The following XPR1 variants were observed in gnomAD, a reference collection of about 807,000 sequenced individuals.
The protein encoded by XPR1 is xenotropic and polytropic retrovirus receptor 1, also known as solute carrier family 53 member 1.
XPR1 carries 28 observed loss-of-function variants against 87.5 expected under a neutral mutation model. That is an observed-to-expected ratio of 0.32 (90% CI 0.24 to 0.44). The LOEUF is 0.44. XPR1 is among the 20% of genes least tolerant of loss of function. XPR1 has a pLI of 1.00. For synonymous variants in XPR1, 300 were observed against 306.1 expected, an observed-to-expected ratio of 0.98 and a Z score of 0.21; for missense variants, 559 against 862.3, an observed-to-expected ratio of 0.65 and a Z score of 4.41.
At chr1:180,707,129 C>G (rs547169545) in intron 2 of XPR1, among the ~76,000 whole-genome samples, 36 of 152,054 alleles carry the variant, frequency 2.4e-4, no homozygotes, top group Non-Finnish European at 4.4e-4. Context: ...GAATTTTTAT[C>G]TTGACAGTAG....
intron 2 of XPR1, among the ~76,000 whole-genome samples, chr1:180,762,684 A>G (rs10914091): frequency 0.043 from 6,540 of 152,234 alleles, 498 homozygotes; most frequent in African/African-American, 0.15. Flanking sequence ...GCTGATGAAA[A>G]TCAGATACCA....
chr1:180,688,043 T>G (rs1656846967), intron 2 of XPR1, among the ~76,000 whole-genome samples: 1 of 147,618 alleles, frequency 6.8e-6, no homozygotes, highest in Non-Finnish European at 1.5e-5. Context: ...ATACAGTATG[T>G]TATTAATTTT....
intron 2 of XPR1, among the ~76,000 whole-genome samples, chr1:180,737,093 T>A (rs2102018008): frequency 6.6e-6 from 1 of 152,284 alleles, no homozygotes; most frequent in East Asian, 1.9e-4. Context: ...TAGATAAGCA[T>A]CTTTTTGAGA....
chr1:180,720,050 A>G lies in XPR1; in HGVS notation c.121+37639A>G, dbSNP rs16856391. ...TTTCTTGGGGATTAGTAGAGCCAAA[A>G]TATTTAGAATGGTTTACAACAAGGT... On this transcript the variant is annotated intron_variant, in intron 2 of 14. Transcript: ENST00000367590. 0.022 allele frequency among the ~76,000 whole-genome samples: 3,366 copies of G among 152,180 alleles called. 420 individuals are homozygous for G. The East Asian group carries it at 0.37, about 17-fold the overall frequency.
intron 1 of XPR1, among the ~76,000 whole-genome samples, chr1:180,633,927 G>A (rs905014814): frequency 6.6e-6 from 1 of 152,158 alleles, no homozygotes; most frequent in African/African-American, 2.4e-5. Context: ...GAATGCTTTG[G>A]GCAGAAGTAA....
At chr1:180,682,450 C>G (rs958504083) in intron 2 of XPR1, 39 bp downstream of exon 2, 5 of 1,551,918 alleles carry the variant, frequency 3.2e-6, no homozygotes, top group Non-Finnish European at 4.4e-6. Context: ...CACAGAAAAC[C>G]TCTTTTTAAG....
intron 2 of XPR1, among the ~76,000 whole-genome samples, chr1:180,735,157 C>G (rs1658689082): frequency 6.6e-6 from 1 of 152,166 alleles, no homozygotes; most frequent in South Asian, 2.1e-4. Context: ...CAGAATGTGT[C>G]TGTTCTGTAT....
intron 2 of XPR1, among the ~76,000 whole-genome samples, chr1:180,751,940 G>A (rs1647549889): frequency 6.6e-6 from 1 of 152,124 alleles, no homozygotes; most frequent in African/African-American, 2.4e-5. Context: ...AAGAATTAAT[G>A]TCTAAGGGGA....
At chr1:180,853,626 G>GACAC (rs143320476) in intron 11 of XPR1, among the ~76,000 whole-genome samples, 4,229 of 140,260 alleles carry the variant, frequency 0.03, 116 homozygotes, top group African/African-American at 0.072. Context: ...TTAGACTATA[G>GACAC]ACACACACAC....
At chr1:180,707,055 T>G (rs542026087) in intron 2 of XPR1, among the ~76,000 whole-genome samples, 4 of 152,316 alleles carry the variant, frequency 2.6e-5, no homozygotes, top group Admixed American at 2.0e-4. Flanking sequence ...AAAAGAAATA[T>G]TTACTTGTAT....
chr1:180,816,468 C>T (rs1650416589), intron 7 of XPR1, among the ~76,000 whole-genome samples: 1 of 152,144 alleles, frequency 6.6e-6, no homozygotes, highest in Admixed American at 6.5e-5. Context: ...CCTGTACTAA[C>T]CTATGACCCA....
At chr1:180,848,344 C>A (rs1382942206) in intron 11 of XPR1, among the ~76,000 whole-genome samples, 1 of 152,108 alleles carries the variant, frequency 6.6e-6, no homozygotes, top group Non-Finnish European at 1.5e-5. Context: ...TTCTTGTAAC[C>A]TCTGTTGGAC....
chr1:180,802,751 A>G (rs547718996), intron 3 of XPR1, among the ~76,000 whole-genome samples: 190 of 152,284 alleles, frequency 1.2e-3, no homozygotes, highest in African/African-American at 4.4e-3. Flanking sequence ...CTGATTCTGG[A>G]CATGTCATAT....
At chr1:180,734,844 G>A (rs1658677710) in intron 2 of XPR1, among the ~76,000 whole-genome samples, 1 of 152,156 alleles carries the variant, frequency 6.6e-6, no homozygotes, top group East Asian at 1.9e-4. Flanking sequence ...TCAGGATTGT[G>A]AAATACAGTG....
intron 2 of XPR1, among the ~76,000 whole-genome samples, chr1:180,764,434 T>G (rs1648189708): frequency 6.6e-6 from 1 of 152,120 alleles, no homozygotes; most frequent in Non-Finnish European, 1.5e-5. Context: ...AATCTTTTTT[T>G]TTTTTAAACT....
At chr1:180,809,479 T>C (rs977252241) in intron 6 of XPR1, among the ~76,000 whole-genome samples, 5 of 152,176 alleles carry the variant, frequency 3.3e-5, no homozygotes, top group Non-Finnish European at 5.9e-5. Context: ...GTCAAACTGC[T>C]TGGAAATAAA....
chr1:180,719,034 A>T (rs1033165642), intron 2 of XPR1, among the ~76,000 whole-genome samples: 1 of 152,168 alleles, frequency 6.6e-6, no homozygotes, highest in Non-Finnish European at 1.5e-5. Context: ...TTAGATTATA[A>T]TGTATTTTCC....
Position 180,851,068 on chromosome 1 carries a change from A to C in XPR1, c.1502-12640A>C, listed in dbSNP as rs1189044408. Among the ~76,000 whole-genome samples, 3 of 152,104 alleles carry C rather than the reference A, an allele frequency of 2.0e-5. No individual in the cohort carries two copies. The East Asian group carries it at 5.8e-4, about 29-fold the overall frequency. ...TAAATGAAATTGTGTCTTTTCCAGGAGAGAAGGCAGAAACACATAGTTTAT... is the reference window on the plus strand; with the variant it reads ...TAAATGAAATTGTGTCTTTTCCAGGCGAGAAGGCAGAAACACATAGTTTAT... On this transcript the variant is annotated intron_variant, in intron 11 of 14. Coordinates refer to ENST00000367590, the MANE Select transcript of XPR1 (RefSeq NM_004736.4).
At chr1:180,864,837 C>G (rs1204506963) in intron 12 of XPR1, among the ~76,000 whole-genome samples, 1 of 151,976 alleles carries the variant, frequency 6.6e-6, no homozygotes, top group East Asian at 1.9e-4. Context: ...AATTCTAATC[C>G]CAGCTCTTTC....
Sources: allele counts gnomAD v4.1 joint callset (sites outside exome capture counted in the v4.1 genomes callset), GRCh38; gene constraint gnomAD v4.1.1; transcripts MANE v1.5; gene names NCBI Gene and HGNC (gene_info 2026-07-23, HGNC 2026-07-21).